The following GMDS variants were observed in gnomAD, a reference collection of about 807,000 sequenced individuals.
GMDS encodes GDP-mannose 4,6-dehydratase, also known as GDP-mannose 4,6 dehydratase.
In GMDS, 20 loss-of-function variants were observed where a neutral mutation model predicts 49.9. The ratio of observed to expected loss-of-function variants is 0.40; its 90% CI spans 0.28 to 0.58. GMDS has a LOEUF of 0.58. GMDS is among the 20% of genes least tolerant of loss of function. GMDS has a pLI of 0.42. For missense variants in GMDS, 362 were observed against 481.4 expected (o/e 0.75, Z 2.32); for synonymous variants, 177 against 178.6 (o/e 0.99, Z 0.07).
rs146118449 is a variant in GMDS at position 2,208,957 on chromosome 6, G to C, written c.102+36364C>G. 5.0e-3 allele frequency among the ~76,000 whole-genome samples: 753 copies of C among 151,660 alleles called. 3 individuals are homozygous for C. Among genetic ancestry groups the C allele is most frequent in the Non-Finnish European group, 8.2e-3 (558 of 67,980 alleles). On this transcript the variant is annotated intron_variant, in intron 1 of 10. Transcript: ENST00000380815. ...CTGTCCTGTCCAAGCATAAGAGCAA[G>C]AATATTACCAAACTTAATTCTCAAG...
chr6:2,137,249 T>A (rs139984107), intron 1 of GMDS, among the ~76,000 whole-genome samples: 2 of 152,316 alleles, frequency 1.3e-5, no homozygotes, highest in African/African-American at 4.8e-5. Context: ...CAAATTACCT[T>A]GTCCTTTCCT....
At chr6:2,102,650 G>A (rs1315350355) in intron 4 of GMDS, among the ~76,000 whole-genome samples, 1 of 152,144 alleles carries the variant, frequency 6.6e-6, no homozygotes, top group Non-Finnish European at 1.5e-5. Flanking sequence ...GAAAAAGTAC[G>A]CAGTCACCTG....
In GMDS at chr6:1,908,000, G is replaced by A. The variant is rs549732587; in HGVS notation, c.771+22103C>T. Among the ~76,000 whole-genome samples, 19 of 152,246 alleles carry A rather than the reference G, an allele frequency of 1.2e-4. No homozygotes were observed. In the South Asian group the frequency reaches 3.3e-3, roughly 27 times the overall value. Reference sequence around the variant, plus strand: ...AGCTTAACAACAAGAACTAATAATAGAACAATGATAACAATATGCCAGCAT... The same window carrying A: ...AGCTTAACAACAAGAACTAATAATAAAACAATGATAACAATATGCCAGCAT... On this transcript the variant is annotated intron_variant, in intron 7 of 10. Coordinates refer to ENST00000380815, the MANE Select transcript of GMDS (RefSeq NM_001500.4).
At chr6:2,041,309 T>C (rs911054823) in intron 4 of GMDS, among the ~76,000 whole-genome samples, 1 of 152,114 alleles carries the variant, frequency 6.6e-6, no homozygotes, top group African/African-American at 2.4e-5. Flanking sequence ...GCCCAAAAAA[T>C]GGTAATAAAT....
chr6:1,657,690 C>A (rs564944165), intron 9 of GMDS, among the ~76,000 whole-genome samples: 2 of 151,958 alleles, frequency 1.3e-5, no homozygotes, highest in African/African-American at 4.8e-5. Context: ...ACCATGTGGG[C>A]GCCTCAAAAC....
At chr6:1,633,546 C>T (rs530249041) in intron 9 of GMDS, among the ~76,000 whole-genome samples, 6 of 151,980 alleles carry the variant, frequency 3.9e-5, no homozygotes, top group Admixed American at 1.3e-4. Flanking sequence ...TGTTGGAGGG[C>T]GGGAGGGCAC....
intron 7 of GMDS, among the ~76,000 whole-genome samples, chr6:1,745,247 A>G (rs1351694684): frequency 2.0e-5 from 3 of 152,220 alleles, no homozygotes; most frequent in African/African-American, 7.2e-5. Flanking sequence ...GGTCTCAAAA[A>G]AGTCCTATTT....
intron 1 of GMDS, among the ~76,000 whole-genome samples, chr6:2,231,696 T>C (rs546075357): frequency 6.6e-6 from 1 of 152,342 alleles, no homozygotes; most frequent in East Asian, 1.9e-4. Context: ...CCAGGAAGAA[T>C]GAAGTATTAT....
chr6:1,896,327 C>T (rs563510758), intron 7 of GMDS, among the ~76,000 whole-genome samples: 1 of 152,260 alleles, frequency 6.6e-6, no homozygotes, highest in African/African-American at 2.4e-5. Flanking sequence ...TGAGCTAAGG[C>T]CTTTGGGACA....
chr6:2,214,431 T>C (rs545601058), intron 1 of GMDS, among the ~76,000 whole-genome samples: 1 of 152,194 alleles, frequency 6.6e-6, no homozygotes, highest in African/African-American at 2.4e-5. Context: ...ACCTTTATTG[T>C]CATTATTCCC....
intron 9 of GMDS, among the ~76,000 whole-genome samples, chr6:1,670,551 A>G (rs1330160877): frequency 6.6e-6 from 1 of 152,188 alleles, no homozygotes; most frequent in Non-Finnish European, 1.5e-5. Flanking sequence ...TGGCTTATCT[A>G]CACCGGGATA....
intron 8 of GMDS, among the ~76,000 whole-genome samples, chr6:1,738,356 C>T (rs1480620674): frequency 6.6e-6 from 1 of 152,198 alleles, no homozygotes; most frequent in Non-Finnish European, 1.5e-5. Flanking sequence ...CTTCTACTAA[C>T]CCAAACTCAA....
intron 7 of GMDS, among the ~76,000 whole-genome samples, chr6:1,749,122 C>G (rs751186397): frequency 1.3e-5 from 2 of 152,158 alleles, no homozygotes; most frequent in Non-Finnish European, 2.9e-5. Flanking sequence ...TGCCCCAGGA[C>G]GTGGCTGCCA....
intron 9 of GMDS, among the ~76,000 whole-genome samples, chr6:1,629,911 C>T (rs1030742705): frequency 1.3e-5 from 2 of 152,132 alleles, no homozygotes; most frequent in African/African-American, 4.8e-5. Context: ...CCGGCTAGTA[C>T]AGTAGAGCTT....
intron 9 of GMDS, among the ~76,000 whole-genome samples, chr6:1,703,976 G>A (rs1333269018): frequency 6.6e-6 from 1 of 152,124 alleles, no homozygotes; most frequent in Non-Finnish European, 1.5e-5. Context: ...CAGATTATGT[G>A]TTTCTGAAAG....
At chr6:2,224,239 G>A (rs1780722106) in intron 1 of GMDS, among the ~76,000 whole-genome samples, 1 of 152,190 alleles carries the variant, frequency 6.6e-6, no homozygotes, top group Non-Finnish European at 1.5e-5. Flanking sequence ...CAAAGGCTGG[G>A]GGAATAATGA....
rs370297892 is a variant in GMDS at position 1,633,454 on chromosome 6, G to T, written c.988-8914C>A. ...TGGCTGTCATGAAGCCCATGTTCTA[G>T]GGTCTGGCAGCACAAGAGTTGGCGG... On this transcript the variant is annotated intron_variant, in intron 9 of 10. Transcript: ENST00000380815. Among the ~76,000 whole-genome samples the T allele has an allele frequency of 1.1e-4, 17 of 152,310 alleles. No homozygotes were observed. The East Asian group carries it at 3.3e-3, about 29-fold the overall frequency.
chr6:2,214,266 C>T (rs1288230292), intron 1 of GMDS, among the ~76,000 whole-genome samples: 1 of 152,124 alleles, frequency 6.6e-6, no homozygotes, highest in Non-Finnish European at 1.5e-5. Context: ...AGAAAAATAA[C>T]TGATCATTTA....
At chr6:1,742,629 G>T in intron 7 of GMDS, 43 bp from the exon 8 acceptor site, 1 of 1,016,160 alleles carries the variant, frequency 9.8e-7, no homozygotes, top group Non-Finnish European at 1.6e-6. Flanking sequence ...GTCACACTCA[G>T]TGGCCACACA....
Sources: allele counts gnomAD v4.1 joint callset (sites outside exome capture counted in the v4.1 genomes callset), GRCh38; gene constraint gnomAD v4.1.1; transcripts MANE v1.5; gene names NCBI Gene and HGNC (gene_info 2026-07-23, HGNC 2026-07-21).